PDE4D: variants seen among roughly 807,000 people sequenced by gnomAD.
PDE4D encodes 3',5'-cyclic-AMP phosphodiesterase 4D.
A neutral mutation model predicts 87.4 loss-of-function variants in PDE4D; 24 were observed. That is an observed-to-expected ratio of 0.27 (90% CI 0.20 to 0.39). The LOEUF is 0.39. PDE4D is among the 10% of genes least tolerant of loss of function. The pLI is 1.00. For missense variants in PDE4D, 714 were observed against 1,041.0 expected, an observed-to-expected ratio of 0.69 and a Z score of 4.32; for synonymous variants, 384 against 383.2, an observed-to-expected ratio of 1.00 and a Z score of -0.02.
intron 1 of PDE4D, among the ~76,000 whole-genome samples, chr5:59,782,389 TAA>T: frequency 6.6e-6 from 1 of 152,340 alleles, no homozygotes; most frequent in Non-Finnish European, 1.5e-5. Context: ...GTGTAGCACG[TAA>T]GTGTTCAATA....
chr5:59,317,686 T>C (rs1264097983), intron 1 of PDE4D, among the ~76,000 whole-genome samples: 1 of 152,080 alleles, frequency 6.6e-6, no homozygotes, highest in Non-Finnish European at 1.5e-5. Flanking sequence ...GAAGACTACA[T>C]GAGGACAATG....
At chr5:59,709,184 C>G (rs765511840) in intron 1 of PDE4D, among the ~76,000 whole-genome samples, 10 of 151,998 alleles carry the variant, frequency 6.6e-5, no homozygotes, top group South Asian at 4.1e-4. Flanking sequence ...TCCCCTGCAG[C>G]CCCGGGAAAA....
At chr5:60,496,962 G>A (rs1749841853) in intron 1 of PDE4D, among the ~76,000 whole-genome samples, 1 of 152,058 alleles carries the variant, frequency 6.6e-6, no homozygotes, top group Non-Finnish European at 1.5e-5. Flanking sequence ...TGACTATGCA[G>A]GATTTCACAG....
chr5:59,938,130 A>G (rs1233077640), intron 3 of PDE4D, among the ~76,000 whole-genome samples: 1 of 152,226 alleles, frequency 6.6e-6, no homozygotes, highest in Non-Finnish European at 1.5e-5. Flanking sequence ...AATTGTATTG[A>G]CTACGTGCTA....
At chr5:59,236,634 G>A (rs1054156301) in intron 1 of PDE4D, among the ~76,000 whole-genome samples, 1 of 152,090 alleles carries the variant, frequency 6.6e-6, no homozygotes, top group Non-Finnish European at 1.5e-5. Flanking sequence ...TCGGGAGCGG[G>A]AGTGGTGAGA....
At chr5:59,169,985 GC>G (rs992127671) in intron 5 of PDE4D, among the ~76,000 whole-genome samples, 14 of 152,290 alleles carry the variant, frequency 9.2e-5, no homozygotes, top group African/African-American at 2.9e-4. Context: ...GGGAAGGGAT[GC>G]TGGCAGGAGT....
chr5:59,831,841 G>A (rs1741298760), intron 1 of PDE4D, among the ~76,000 whole-genome samples: 2 of 152,044 alleles, frequency 1.3e-5, no homozygotes, highest in Non-Finnish European at 1.5e-5. Context: ...ACGCAGTACA[G>A]CAAACTGCAA....
At chr5:59,099,142 TCA>T (rs1770296121) in intron 5 of PDE4D, among the ~76,000 whole-genome samples, 1 of 152,214 alleles carries the variant, frequency 6.6e-6, no homozygotes, top group Non-Finnish European at 1.5e-5. Flanking sequence ...GCAGTCTTTG[TCA>T]CACCATAGAA....
intron 1 of PDE4D, among the ~76,000 whole-genome samples, chr5:59,377,043 T>C (rs1355320710): frequency 2.0e-5 from 3 of 152,134 alleles, no homozygotes; most frequent in Non-Finnish European, 2.9e-5. Flanking sequence ...ATGTATTAAA[T>C]AGTTAAATGT....
intron 1 of PDE4D, among the ~76,000 whole-genome samples, chr5:59,466,555 C>T (rs1273657185): frequency 1.7e-4 from 26 of 152,192 alleles, no homozygotes; most frequent in Non-Finnish European, 7.3e-5. Flanking sequence ...TTCATTTGAC[C>T]ACTGCCTGAC....
At chr5:60,485,395 CA>C (rs3834830) in intron 1 of PDE4D, among the ~76,000 whole-genome samples, 5,182 of 130,810 alleles carry the variant, frequency 0.04, 102 homozygotes, top group Middle Eastern at 0.092. Flanking sequence ...CAAAATTCAC[CA>C]AAAAAAAAAA....
At chr5:60,063,538 C>T (rs192619482) in intron 2 of PDE4D, among the ~76,000 whole-genome samples, 2 of 151,934 alleles carry the variant, frequency 1.3e-5, no homozygotes, top group Admixed American at 6.6e-5. Flanking sequence ...GCCAACCTTG[C>T]CAAGGGAGAA....
At chr5:59,772,638 A>G (rs1001799862) in intron 1 of PDE4D, among the ~76,000 whole-genome samples, 2 of 152,248 alleles carry the variant, frequency 1.3e-5, no homozygotes, top group African/African-American at 4.8e-5. Context: ...ATTTCCCACA[A>G]TGGAAAGAGA....
intron 1 of PDE4D, among the ~76,000 whole-genome samples, chr5:60,335,877 C>A (rs747224005): frequency 6.6e-6 from 1 of 152,118 alleles, no homozygotes; most frequent in Non-Finnish European, 1.5e-5. Context: ...ACCTAGAAAC[C>A]AAAGATGCTA....
At chr5:60,085,836 A>G (rs1162691670) in intron 2 of PDE4D, among the ~76,000 whole-genome samples, 2 of 152,224 alleles carry the variant, frequency 1.3e-5, no homozygotes, top group Non-Finnish European at 2.9e-5. Flanking sequence ...TGATTAATTT[A>G]GAGGGTTAGG....
At chr5:59,225,500 AT>A in intron 1 of PDE4D, among the ~76,000 whole-genome samples, 1 of 152,130 alleles carries the variant, frequency 6.6e-6, no homozygotes, top group Non-Finnish European at 1.5e-5. Context: ...GTGGTTTCTT[AT>A]GAAGACTGCT....
intron 1 of PDE4D, among the ~76,000 whole-genome samples, chr5:59,556,628 G>A (rs1399590241): frequency 1.3e-5 from 2 of 152,138 alleles, no homozygotes; most frequent in Non-Finnish European, 2.9e-5. Context: ...TTCTCGTCTA[G>A]CATTTCTTTT....
intron 1 of PDE4D, among the ~76,000 whole-genome samples, chr5:60,352,527 G>A (rs1396787275): frequency 6.6e-6 from 1 of 152,194 alleles, no homozygotes; most frequent in Non-Finnish European, 1.5e-5. Context: ...CCACTGCTTT[G>A]GCCTCTAATT....
At chr5:59,999,992 T>C (rs534643861) in intron 2 of PDE4D, among the ~76,000 whole-genome samples, 39 of 151,126 alleles carry the variant, frequency 2.6e-4, no homozygotes, top group African/African-American at 8.5e-4. Context: ...AAAGAATAAA[T>C]GAACTCAAAG....
Sources: allele counts gnomAD v4.1 joint callset (sites outside exome capture counted in the v4.1 genomes callset), GRCh38; gene constraint gnomAD v4.1.1; transcripts MANE v1.5; gene names NCBI Gene and HGNC (gene_info 2026-07-23, HGNC 2026-07-21).